The following CASD1 variants were observed in gnomAD, a reference collection of about 807,000 sequenced individuals.
CASD1 encodes N-acetylneuraminate (7)9-O-acetyltransferase.
Under a neutral mutation model 100.0 loss-of-function variants are expected in CASD1, and 41 were observed. The observed-to-expected ratio is 0.41, with a 90% confidence interval of 0.32 to 0.53. The LOEUF (loss-of-function observed/expected upper bound fraction) is 0.53, where lower values mean the gene tolerates loss of function less well. Ranked by LOEUF, CASD1 falls within the 20% of genes least tolerant of loss-of-function variation. The pLI, the probability that CASD1 is intolerant of heterozygous loss-of-function variation, is 0.25. For missense variants in CASD1, 774 were observed against 948.7 expected (o/e 0.82, Z 2.42); for synonymous variants, 321 against 315.6 (o/e 1.02, Z -0.18).
intron 1 of CASD1, among the ~76,000 whole-genome samples, chr7:94,517,198 C>T (rs1056451443): frequency 3.3e-5 from 5 of 152,164 alleles, no homozygotes; most frequent in African/African-American, 1.2e-4. Context: ...GCCACCGTGC[C>T]TGGCCTCCCT....
intron 1 of CASD1, among the ~76,000 whole-genome samples, chr7:94,511,543 C>T (rs1793706908): frequency 6.6e-6 from 1 of 152,204 alleles, no homozygotes; most frequent in Non-Finnish European, 1.5e-5. Flanking sequence ...TACGACCTTG[C>T]AAGGCCTTGG....
Position 94,510,066 on chromosome 7 carries a change from T to C in CASD1, c.-19T>C, listed in dbSNP as rs764576761. ...CCCTTTCCCGCTCCGCCGCGCACTG[T>C]TGTCATGGAGGAACCAAGATGGCGG... On this transcript the variant is annotated 5_prime_UTR_variant, in exon 1 of 18. Transcript: ENST00000297273. The C allele has an allele frequency of 2.7e-6, 4 of 1,499,014 alleles. No individual in the cohort carries two copies. Among genetic ancestry groups the C allele is most frequent in the South Asian group, 2.5e-5 (2 of 78,940 alleles). The allele number at this position is 1,499,014 out of a possible 1,614,324, so 92.9% of individuals were successfully genotyped here. A position where few individuals can be genotyped will look rare whatever the true frequency, so the allele number is the denominator to read the frequency against.
In CASD1 at chr7:94,518,128, C is replaced by G. The variant is rs116714788; in HGVS notation, c.231-75C>G. Reference sequence around the variant, plus strand: ...TGTAACAATCTGGATCAACTTTCTTCAAAAACGGTGTGCTTTGAAATGCCA... The same window carrying G: ...TGTAACAATCTGGATCAACTTTCTTGAAAAACGGTGTGCTTTGAAATGCCA... On this transcript the variant is annotated intron_variant, in intron 2 of 17. Transcript: ENST00000297273. The G allele has an allele frequency of 6.0e-4, 829 of 1,376,472 alleles. 4 individuals are homozygous for G. In the African/African-American group the frequency reaches 0.011, roughly 18 times the overall value. 85.3% of individuals were successfully genotyped at this position (1,376,472 alleles called of 1,614,324 possible). A position where few individuals can be genotyped will look rare whatever the true frequency, so the allele number is the denominator to read the frequency against.
intron 9 of CASD1, among the ~76,000 whole-genome samples, 185 bp from the exon 10 acceptor site, chr7:94,538,780 AAC>A (rs1398484853): frequency 1.3e-5 from 2 of 152,186 alleles, no homozygotes; most frequent in Non-Finnish European, 1.5e-5. Flanking sequence ...TTATATTTAA[AAC>A]AGTTTTATAC....
At chr7:94,529,736 A>C (rs936735612) in intron 5 of CASD1, among the ~76,000 whole-genome samples, 1 of 152,152 alleles carries the variant, frequency 6.6e-6, no homozygotes, top group African/African-American at 2.4e-5. Flanking sequence ...ATGAATAACG[A>C]CATAAGAAGG....
At chr7:94,603,399 A>C in the CASD1 span, 1 of 1,613,200 alleles carries the variant, frequency 6.2e-7, no homozygotes, top group South Asian at 1.1e-5. Context: ...TGGATTTTCA[A>C]CTTCTCGTAA....
At chr7:94,530,056 CAA>C (rs965143760) in intron 5 of CASD1, among the ~76,000 whole-genome samples, 1 of 152,056 alleles carries the variant, frequency 6.6e-6, no homozygotes, top group Non-Finnish European at 1.5e-5. Context: ...ATCCTCCCCT[CAA>C]AGAGCTAGAT....
intron 3 of CASD1, among the ~76,000 whole-genome samples, chr7:94,521,569 T>C (rs1794274303): frequency 1.3e-5 from 2 of 152,008 alleles, no homozygotes; most frequent in African/African-American, 2.4e-5. Context: ...ACCGAAAGAA[T>C]TGAATTAGAA....
chr7:94,628,850 G>A, the CASD1 span: 4 of 162,012 alleles, frequency 2.5e-5, no homozygotes, highest in Middle Eastern at 6.3e-3. Context: ...CATAACAACT[G>A]TACTAACGAC....
In CASD1 at chr7:94,518,297, C is replaced by A; in HGVS notation, c.325C>A (p.Pro109Thr). ...LFYSFVKIIN[P>T]QFKEEGNKHE... ...TTATTCTTTTGTAAAAATAATTAAT[C>A]CCCAATTCAAAGAAGAAGGAAATAA... Residue 109 changes from proline (P) to threonine (T), a missense_variant, in exon 3 of 18, where the codon CCC becomes ACC. Around this residue, in one of 5 missense-constraint regions of CASD1, gnomAD observed 61 missense variants for 115.9 expected, o/e 0.53. Coordinates refer to ENST00000297273, the MANE Select transcript of CASD1 (RefSeq NM_022900.5). The A allele has an allele frequency of 1.3e-6, 2 of 1,575,000 alleles. No individual in the cohort carries two copies. Among genetic ancestry groups the A allele is most frequent in the South Asian group, 1.2e-5 (1 of 84,162 alleles).
At chr7:94,582,795 C>T in the CASD1 span, among the ~76,000 whole-genome samples, 11 of 152,120 alleles carry the variant, frequency 7.2e-5, no homozygotes, top group East Asian at 5.8e-4. Context: ...ATTTGTATGA[C>T]GACTTAATAT....
intron 16 of CASD1, chr7:94,554,115 T>TA (rs1796088667): frequency 6.4e-6 from 1 of 156,280 alleles, no homozygotes; most frequent in Admixed American, 6.4e-5. Context: ...ACCAAGCAGA[T>TA]ACTTTATGAG....
intron 3 of CASD1, among the ~76,000 whole-genome samples, chr7:94,522,891 G>A (rs899787972): frequency 6.6e-5 from 10 of 152,084 alleles, no homozygotes; most frequent in African/African-American, 2.2e-4. Context: ...TCGATCTCCT[G>A]ACCTCGTGAT....
the CASD1 span, among the ~76,000 whole-genome samples, chr7:94,570,958 A>G: frequency 6.6e-6 from 1 of 151,470 alleles, no homozygotes; most frequent in Non-Finnish European, 1.5e-5. Context: ...CTGAAGTACT[A>G]CCTTGAGCAT....
chr7:94,587,408 ATAAT>A, the CASD1 span: 2 of 1,130,890 alleles, frequency 1.8e-6, no homozygotes, highest in African/African-American at 1.6e-5. Flanking sequence ...CATGCCTGAA[ATAAT>A]TAAGAATCAG....
At position 94,509,886 on chromosome 7, in the gene CASD1, G is replaced by C. The variant is rs1793596066; in HGVS notation, c.-199G>C. Reference sequence around the variant, plus strand: ...GGGGCTGGGGGGAGGCCGCCGAGTCGGCCGCGGCCGAGGAGGGGCAGGCGG... The same window carrying C: ...GGGGCTGGGGGGAGGCCGCCGAGTCCGCCGCGGCCGAGGAGGGGCAGGCGG... On this transcript the variant is annotated 5_prime_UTR_variant, in exon 1 of 18. Transcript: ENST00000297273. 6 of 1,052,934 alleles carry C rather than the reference G, an allele frequency of 5.7e-6. No homozygotes were observed. The highest frequency in any genetic ancestry group is 6.9e-6 in the Non-Finnish European group (6 of 874,100). 65.2% of individuals were successfully genotyped at this position (1,052,934 alleles called of 1,614,324 possible).
At chr7:94,588,355 T>C in the CASD1 span, 1 of 1,126,210 alleles carries the variant, frequency 8.9e-7, no homozygotes, top group Non-Finnish European at 1.1e-6. Flanking sequence ...CTGAGACAAA[T>C]CCTGGATGCA....
the CASD1 span, among the ~76,000 whole-genome samples, chr7:94,614,022 A>G: frequency 6.6e-6 from 1 of 150,576 alleles, no homozygotes; most frequent in Non-Finnish European, 1.5e-5. Flanking sequence ...TTAGGAAAAC[A>G]TTGAAAACTT....
the CASD1 span, among the ~76,000 whole-genome samples, chr7:94,595,945 A>T: frequency 6.6e-6 from 1 of 152,128 alleles, no homozygotes; most frequent in Admixed American, 6.5e-5. Context: ...GACGCACTTG[A>T]TGATCCTGCA....
Sources: gnomAD v4.1 joint callset for allele counts (sites outside exome capture counted in the v4.1 genomes callset) on GRCh38, gnomAD v4.1.1 for gene constraint, gnomAD v4.1.1 regional missense constraint, MANE v1.5 for transcripts, NCBI Gene and HGNC (gene_info 2026-07-23, HGNC 2026-07-21) for gene names.